ATP8A2: variants seen among roughly 807,000 people sequenced by gnomAD.
ATP8A2 encodes ATPase phospholipid transporting 8A2.
Under a neutral mutation model 165.6 loss-of-function variants are expected in ATP8A2, and 100 were observed. The observed-to-expected ratio is 0.60, with a 90% CI of 0.51 to 0.71. The LOEUF (loss-of-function observed/expected upper bound fraction) is 0.71. ATP8A2 is among the 30% of genes least tolerant of loss of function. The pLI is 0.00. For synonymous variants in ATP8A2, 543 were observed against 548.8 expected (o/e 0.99, Z 0.15); for missense variants, 1,227 against 1,479.5 (o/e 0.83, Z 2.80).
intron 33 of ATP8A2, among the ~76,000 whole-genome samples, chr13:25,946,983 G>A (rs1593606611): frequency 6.6e-6 from 1 of 152,262 alleles, no homozygotes; most frequent in Non-Finnish European, 1.5e-5. Context: ...TCTGGCCTCA[G>A]GTGATCCACC....
At chr13:25,985,161 A>G (rs1053854482) in intron 35 of ATP8A2, among the ~76,000 whole-genome samples, 18 of 152,226 alleles carry the variant, frequency 1.2e-4, no homozygotes, top group African/African-American at 4.1e-4. Flanking sequence ...TACAAGACCT[A>G]CTGGGTAGCT....
intron 33 of ATP8A2, among the ~76,000 whole-genome samples, chr13:25,913,015 G>A (rs996287087): frequency 3.9e-5 from 6 of 152,150 alleles, no homozygotes; most frequent in Non-Finnish European, 7.3e-5. Flanking sequence ...TCATCCCTAC[G>A]TGTAGGTTCC....
At chr13:25,738,340 TCCCCCC>T (rs55875449) in intron 25 of ATP8A2, among the ~76,000 whole-genome samples, 5 of 99,188 alleles carry the variant, frequency 5.0e-5, no homozygotes, top group East Asian at 3.1e-4. Context: ...TGTGCCCCCC[TCCCCCC>T]CCCCCACACA....
chr13:25,975,662 C>G (rs1416190290), intron 35 of ATP8A2, among the ~76,000 whole-genome samples: 2 of 152,136 alleles, frequency 1.3e-5, no homozygotes, highest in Admixed American at 6.5e-5. Flanking sequence ...ACAATAAGCT[C>G]TTATGAAATC....
chr13:25,465,873 A>G (rs957233867), intron 1 of ATP8A2, among the ~76,000 whole-genome samples: 8 of 149,642 alleles, frequency 5.3e-5, no homozygotes, highest in Non-Finnish European at 1.2e-4. Context: ...ATCCTTCCCA[A>G]CTTGGCCTCC....
chr13:25,827,091 T>TG (rs1555273154), intron 27 of ATP8A2, among the ~76,000 whole-genome samples: 2 of 152,128 alleles, frequency 1.3e-5, no homozygotes, highest in Non-Finnish European at 2.9e-5. Context: ...TTTTTGTTTT[T>TG]TTTGTTTGTT....
chr13:25,892,333 C>A (rs1002870106), intron 33 of ATP8A2, among the ~76,000 whole-genome samples: 4 of 152,106 alleles, frequency 2.6e-5, no homozygotes, highest in Non-Finnish European at 5.9e-5. Flanking sequence ...TGTGCACAGC[C>A]TATCTTGGCA....
At chr13:25,391,697 G>A (rs547994045) in intron 1 of ATP8A2, among the ~76,000 whole-genome samples, 1 of 152,328 alleles carries the variant, frequency 6.6e-6, no homozygotes, top group East Asian at 1.9e-4. Context: ...TTGTAGCTTA[G>A]TTTTGGCCTT....
intron 1 of ATP8A2, among the ~76,000 whole-genome samples, chr13:25,419,371 G>A (rs2034229904): frequency 6.6e-6 from 1 of 152,112 alleles, no homozygotes; most frequent in Non-Finnish European, 1.5e-5. Context: ...CATGGCTGAG[G>A]CCCCCATCTG....
intron 34 of ATP8A2, among the ~76,000 whole-genome samples, chr13:25,967,592 A>C (rs944901478): frequency 1.1e-4 from 17 of 152,158 alleles, no homozygotes; most frequent in Admixed American, 3.9e-4. Flanking sequence ...CAGGATCCTC[A>C]CATGTATTTA....
chr13:25,392,511 C>G (rs936667635), intron 1 of ATP8A2, among the ~76,000 whole-genome samples: 1 of 152,166 alleles, frequency 6.6e-6, no homozygotes, highest in Non-Finnish European at 1.5e-5. Flanking sequence ...GAGTATCACA[C>G]AGTCTAAGGT....
intron 19 of ATP8A2, 136 bp downstream of exon 19, chr13:25,574,993 C>T (rs2039576649): frequency 2.1e-6 from 1 of 467,190 alleles, no homozygotes; most frequent in African/African-American, 2.0e-5. Context: ...TCTCCATAAA[C>T]TCTTTTCTTC....
At chr13:25,812,061 T>C (rs185728655) in intron 27 of ATP8A2, among the ~76,000 whole-genome samples, 68 of 152,218 alleles carry the variant, frequency 4.5e-4, no homozygotes, top group African/African-American at 1.6e-3. Context: ...CTAATTTTAA[T>C]TAATTCAGGG....
intron 31 of ATP8A2, 67 bp downstream of exon 31, chr13:25,860,323 C>A: frequency 1.1e-6 from 1 of 919,504 alleles, no homozygotes; most frequent in Non-Finnish European, 1.7e-6. Flanking sequence ...TTCTCTAAAC[C>A]CTTAAAAAGG....
rs143483644 is a variant in ATP8A2, at chr13:25,408,560, G to A, written c.76+36272G>A. ...TATACTTTTCTTCTGTCTTCTGTCAGTGGATGTTTATTCGGTAACTAGGTT... is the reference window on the plus strand; with the variant it reads ...TATACTTTTCTTCTGTCTTCTGTCAATGGATGTTTATTCGGTAACTAGGTT... On this transcript the variant is annotated intron_variant, in intron 1 of 36. Coordinates refer to ENST00000381655, the MANE Select transcript of ATP8A2 (RefSeq NM_016529.6). 1.6e-3 allele frequency among the ~76,000 whole-genome samples: 247 copies of A among 152,324 alleles called. 1 individual carries two copies. The highest frequency in any genetic ancestry group is 5.6e-3 in the African/African-American group (234 of 41,562).
At chr13:25,745,523 G>A (rs1033392106) in intron 25 of ATP8A2, among the ~76,000 whole-genome samples, 6 of 152,152 alleles carry the variant, frequency 3.9e-5, no homozygotes, top group African/African-American at 1.4e-4. Context: ...TATCTCATGA[G>A]GACTCTTGGA....
intron 33 of ATP8A2, among the ~76,000 whole-genome samples, chr13:25,941,463 G>T (rs556235857): frequency 6.6e-6 from 1 of 152,086 alleles, no homozygotes; most frequent in Non-Finnish European, 1.5e-5. Flanking sequence ...AGGAGGCAGC[G>T]TGTCTGGCCG....
intron 2 of ATP8A2, among the ~76,000 whole-genome samples, chr13:25,494,760 C>T (rs1156881418): frequency 1.3e-5 from 2 of 152,130 alleles, no homozygotes. Context: ...TTCCCTTTTA[C>T]TGTTTTGGAC....
chr13:25,874,186 G>A (rs609298), intron 33 of ATP8A2, among the ~76,000 whole-genome samples: 1,689 of 152,232 alleles, frequency 0.011, 28 homozygotes, highest in African/African-American at 0.039. Context: ...GAGGCCCTGC[G>A]AGGCTTACCA....
Sources: gnomAD v4.1 joint callset for allele counts (sites outside exome capture counted in the v4.1 genomes callset) on GRCh38, gnomAD v4.1.1 for gene constraint, MANE v1.5 for transcripts, NCBI Gene and HGNC (gene_info 2026-07-23, HGNC 2026-07-21) for gene names.